ADGRB3: variants seen among roughly 807,000 people sequenced by gnomAD.
The protein encoded by ADGRB3 is brain-specific angiogenesis inhibitor 3.
Under a neutral mutation model 193.4 loss-of-function variants are expected in ADGRB3, and 37 were observed. The ratio of observed to expected loss-of-function variants is 0.19; its 90% CI spans 0.15 to 0.25. ADGRB3 has a LOEUF of 0.25. Ranked by LOEUF, ADGRB3 falls within the 10% of genes least tolerant of loss-of-function variation. The pLI is 1.00. For missense variants in ADGRB3, 1,637 were observed against 1,852.9 expected (o/e 0.88, Z 2.14); for synonymous variants, 690 against 644.2 (o/e 1.07, Z -1.08).
At chr6:69,010,447 T>A (rs1769897867) in intron 11 of ADGRB3, among the ~76,000 whole-genome samples, 1 of 152,174 alleles carries the variant, frequency 6.6e-6, no homozygotes, top group African/African-American at 2.4e-5. Context: ...ATACAAATCA[T>A]GCAGCCAGTC....
chr6:68,789,062 T>G (rs550098296), intron 3 of ADGRB3, among the ~76,000 whole-genome samples: 64 of 152,208 alleles, frequency 4.2e-4, no homozygotes, highest in African/African-American at 1.4e-3. Flanking sequence ...GCACGTGAGA[T>G]GGGTTTCCTG....
intron 10 of ADGRB3, among the ~76,000 whole-genome samples, chr6:68,980,602 G>A (rs560186021): frequency 7.3e-5 from 11 of 151,540 alleles, no homozygotes; most frequent in African/African-American, 2.4e-4. Flanking sequence ...CATAGGTCTC[G>A]TTTACAACAA....
At chr6:68,999,266 C>CT (rs35115621) in intron 11 of ADGRB3, among the ~76,000 whole-genome samples, 19,948 of 133,072 alleles carry the variant, frequency 0.15, 1,538 homozygotes, top group Non-Finnish European at 0.19. Context: ...TTTCCCTTTT[C>CT]TTTTTTTTTT....
intron 17 of ADGRB3, among the ~76,000 whole-genome samples, chr6:69,194,401 G>C (rs1765256788): frequency 6.6e-6 from 1 of 152,090 alleles, no homozygotes; most frequent in Admixed American, 6.6e-5. Context: ...GGATGCTATG[G>C]TTAGATGCTC....
Position 69,297,396 on chromosome 6 carries a change from C to T in ADGRB3, c.2815-27476C>T, listed in dbSNP as rs371008701. 2.8e-5 allele frequency among the ~76,000 whole-genome samples: 4 copies of T among 142,938 alleles called. No individual in the cohort carries two copies. The East Asian group carries it at 6.0e-4, about 21-fold the overall frequency. The allele number at this position is 142,938 out of a possible 152,430, so 93.8% of individuals were successfully genotyped here. ...TCTCTCTCTCTCTCTCTCTCTATCT[C>T]TCTCTCTCTCTCTCTATATATATAT... On this transcript the variant is annotated intron_variant, in intron 20 of 31. Transcript: ENST00000370598.
intron 8 of ADGRB3, among the ~76,000 whole-genome samples, chr6:68,958,906 TG>T (rs1345603788): frequency 7.0e-6 from 1 of 142,688 alleles, no homozygotes; most frequent in Non-Finnish European, 1.6e-5. Context: ...TGTGTGTGTG[TG>T]TGTGTACATA....
chr6:68,929,614 A>C (rs148798351), intron 3 of ADGRB3, among the ~76,000 whole-genome samples: 9 of 152,232 alleles, frequency 5.9e-5, no homozygotes, highest in Middle Eastern at 3.4e-3. Context: ...GCCCCTCAGT[A>C]TTCCCTTCCC....
At chr6:68,870,070 T>C (rs490692) in intron 3 of ADGRB3, among the ~76,000 whole-genome samples, 47,655 of 152,142 alleles carry the variant, frequency 0.31, 8,105 homozygotes, top group East Asian at 0.59. Flanking sequence ...TGAGCCACTG[T>C]GCCCAGCCGA....
rs187498646 is a variant in ADGRB3, at chr6:68,768,033, T to G, written c.757+128601T>G. Reference sequence around the variant, plus strand: ...AACTACAAACCACTGCTCAAGGAAATAAGAGAAGACACAAACAAATGGAAA... The same window carrying G: ...AACTACAAACCACTGCTCAAGGAAAGAAGAGAAGACACAAACAAATGGAAA... On this transcript the variant is annotated intron_variant, in intron 3 of 31. Coordinates refer to ENST00000370598, the MANE Select transcript of ADGRB3 (RefSeq NM_001704.3). Among the ~76,000 whole-genome samples the G allele has an allele frequency of 7.8e-4, 118 of 152,164 alleles. 2 individuals carry two copies. The East Asian group carries it at 0.012, about 15-fold the overall frequency.
chr6:69,218,068 CAAAAAAAA>C (rs556270079), intron 17 of ADGRB3, among the ~76,000 whole-genome samples: 30 of 81,246 alleles, frequency 3.7e-4, no homozygotes, highest in Non-Finnish European at 6.8e-4. Flanking sequence ...CTCCAGCTGA[CAAAAAAAA>C]AAAAAAAAAG....
At chr6:68,890,704 A>T (rs1766050085) in intron 3 of ADGRB3, among the ~76,000 whole-genome samples, 1 of 152,184 alleles carries the variant, frequency 6.6e-6, no homozygotes, top group Admixed American at 6.5e-5. Flanking sequence ...AAATACATAA[A>T]AGGAAGAGGC....
intron 3 of ADGRB3, among the ~76,000 whole-genome samples, chr6:68,841,618 G>A (rs1405774615): frequency 2.0e-5 from 3 of 152,076 alleles, no homozygotes; most frequent in East Asian, 1.9e-4. Flanking sequence ...AGCACTAAGA[G>A]GAGAGTTTAT....
intron 17 of ADGRB3, among the ~76,000 whole-genome samples, chr6:69,227,487 C>T (rs749909234): frequency 3.9e-5 from 6 of 151,930 alleles, no homozygotes; most frequent in Non-Finnish European, 7.4e-5. Flanking sequence ...GGGTAAATGG[C>T]GAGAAACACA....
At chr6:69,044,242 C>T (rs1245269557) in intron 13 of ADGRB3, among the ~76,000 whole-genome samples, 2 of 152,164 alleles carry the variant, frequency 1.3e-5, no homozygotes, top group Non-Finnish European at 2.9e-5. Context: ...GCCTTCATCC[C>T]TCCACCCTTA....
chr6:68,662,112 G>A (rs1032766819), intron 3 of ADGRB3, among the ~76,000 whole-genome samples: 9 of 151,348 alleles, frequency 5.9e-5, no homozygotes, highest in Admixed American at 2.6e-4. Flanking sequence ...TGAGTGTGAG[G>A]TTTTGGCAGA....
chr6:68,956,566 A>G, intron 7 of ADGRB3, 79 bp from the exon 8 acceptor site: 1 of 1,523,296 alleles, frequency 6.6e-7, no homozygotes. Flanking sequence ...TGGAAGGGGT[A>G]GTAACATTCT....
Position 69,281,315 on chromosome 6 carries a change from A to G in ADGRB3, c.2814+42089A>G, listed in dbSNP as rs547348294. Among the ~76,000 whole-genome samples the G allele has an allele frequency of 3.9e-5, 6 of 152,298 alleles. No individual in the cohort carries two copies. The South Asian group carries it at 1.2e-3, about 32-fold the overall frequency. The stretch of plus-strand genomic sequence containing the variant: ...TTAGAAAATTTGAGCCTATCTTCAG[A>G]CACAAATACTGATTCATAGAACATT... On this transcript the variant is annotated intron_variant, in intron 20 of 31. Transcript: ENST00000370598.
chr6:68,831,303 T>TAA (rs60991980), intron 3 of ADGRB3, among the ~76,000 whole-genome samples: 2,562 of 123,618 alleles, frequency 0.021, 32 homozygotes, highest in Non-Finnish European at 0.032. Context: ...TGGAGAAGAT[T>TAA]AAAAAAAAAA....
intron 13 of ADGRB3, among the ~76,000 whole-genome samples, chr6:69,034,911 ATTGT>A (rs953113140): frequency 6.6e-6 from 1 of 151,922 alleles, no homozygotes; most frequent in Non-Finnish European, 1.5e-5. Context: ...AGAGTAAGCT[ATTGT>A]TTGTTTGAGG....
Sources: allele counts gnomAD v4.1 joint callset (sites outside exome capture counted in the v4.1 genomes callset), GRCh38; gene constraint gnomAD v4.1.1; transcripts MANE v1.5; gene names NCBI Gene and HGNC (gene_info 2026-07-23, HGNC 2026-07-21).